Variants in ANKDD1B observed in about 807,000 individuals in gnomAD.
ANKDD1B encodes ankyrin repeat and death domain-containing protein 1B.
Under a neutral mutation model 59.7 loss-of-function variants are expected in ANKDD1B, and 57 were observed. The ratio of observed to expected loss-of-function variants is 0.95; its 90% CI spans 0.77 to 1.19. ANKDD1B has a LOEUF of 1.19. ANKDD1B is among the 50% of genes most tolerant of loss of function. The probability of loss-of-function intolerance (pLI) is 0.00; values close to 1 mark genes in which losing one functional copy is unlikely to be tolerated. For synonymous variants in ANKDD1B, 216 were observed against 239.5 expected, an observed-to-expected ratio of 0.90 and a Z score of 0.91; for missense variants, 602 against 641.9, an observed-to-expected ratio of 0.94 and a Z score of 0.67.
intron 3 of ANKDD1B, among the ~76,000 whole-genome samples, chr5:75,621,407 T>A (rs1243486455): frequency 6.6e-6 from 1 of 152,144 alleles, no homozygotes; most frequent in Non-Finnish European, 1.5e-5. Flanking sequence ...GAGTTCTGAT[T>A]TTTTCCCCAA....
At chr5:75,660,317 A>G (rs956753308) in intron 10 of ANKDD1B, among the ~76,000 whole-genome samples, 1 of 152,220 alleles carries the variant, frequency 6.6e-6, no homozygotes, top group African/African-American at 2.4e-5. Context: ...TGACCACTCT[A>G]AGTACCTCAT....
intron 5 of ANKDD1B, 59 bp downstream of exon 5, chr5:75,626,014 C>T: frequency 7.9e-7 from 1 of 1,259,098 alleles, no homozygotes; most frequent in Non-Finnish European, 1.1e-6. Flanking sequence ...TCACTTTCTT[C>T]CTGCCTCTGG....
intron 1 of ANKDD1B, among the ~76,000 whole-genome samples, chr5:75,616,122 C>T (rs1773710088): frequency 1.3e-5 from 2 of 152,054 alleles, no homozygotes; most frequent in Admixed American, 1.3e-4. Context: ...CTGGTCTTAC[C>T]CCTTATGTTG....
At chr5:75,667,020 A>C in intron 12 of ANKDD1B, 27 bp downstream of exon 12, 1 of 1,380,382 alleles carries the variant, frequency 7.2e-7, no homozygotes, top group Non-Finnish European at 9.4e-7. Context: ...TGATGTGGGC[A>C]GGAGGAATTC....
At chr5:75,664,833 A>T (rs984279812) in intron 11 of ANKDD1B, among the ~76,000 whole-genome samples, 2 of 152,248 alleles carry the variant, frequency 1.3e-5, no homozygotes, top group African/African-American at 4.8e-5. Flanking sequence ...AGAAATGGTA[A>T]GAGTTGTTAA....
At chr5:75,618,234 T>G (rs1168538812) in intron 2 of ANKDD1B, among the ~76,000 whole-genome samples, 1 of 152,174 alleles carries the variant, frequency 6.6e-6, no homozygotes, top group Non-Finnish European at 1.5e-5. Flanking sequence ...TCAAAAATAT[T>G]TGTGGATAGA....
chr5:75,631,294 G>T (rs1774148820), intron 5 of ANKDD1B, among the ~76,000 whole-genome samples: 1 of 152,158 alleles, frequency 6.6e-6, no homozygotes, highest in Non-Finnish European at 1.5e-5. Flanking sequence ...TTTAAATTTT[G>T]ATTAACTTTT....
chr5:75,642,288 G>T (rs538782201), intron 7 of ANKDD1B, among the ~76,000 whole-genome samples: 6 of 150,756 alleles, frequency 4.0e-5, no homozygotes, highest in African/African-American at 1.2e-4. Context: ...AGCTCCCAGC[G>T]TGAGCGACGC....
At chr5:75,641,724 TAAAGTCCC>T (rs1475177623) in intron 7 of ANKDD1B, among the ~76,000 whole-genome samples, 3 of 152,212 alleles carry the variant, frequency 2.0e-5, no homozygotes, top group African/African-American at 7.2e-5. Context: ...CAATCAAGAA[TAAAGTCCC>T]AAACTGGCAT....
chr5:75,664,423 T>C (rs973727531), intron 11 of ANKDD1B, among the ~76,000 whole-genome samples: 2 of 152,252 alleles, frequency 1.3e-5, no homozygotes, highest in Non-Finnish European at 2.9e-5. Context: ...AGTGCTTTGC[T>C]TGTAAAACTT....
chr5:75,627,452 T>C (rs986683163), intron 5 of ANKDD1B, among the ~76,000 whole-genome samples: 5 of 152,208 alleles, frequency 3.3e-5, no homozygotes, highest in South Asian at 2.1e-4. Context: ...TAGCCACTGC[T>C]GAGATGCTTA....
chr5:75,630,394 A>G (rs1774117247), intron 5 of ANKDD1B, among the ~76,000 whole-genome samples: 1 of 152,086 alleles, frequency 6.6e-6, no homozygotes, highest in East Asian at 1.9e-4. Context: ...ACTTTGTGTA[A>G]TTTTGCTTTT....
Position 75,611,621 on chromosome 5 carries a change from C to T in ANKDD1B, c.-14C>T. 8.1e-7 allele frequency: 1 copy of T among 1,230,872 alleles called. No individual in the cohort carries two copies. The highest frequency in any genetic ancestry group is 1.0e-6 in the Non-Finnish European group (1 of 987,702). 76.2% of individuals were successfully genotyped at this position (1,230,872 alleles called of 1,614,324 possible). On this transcript the variant is annotated 5_prime_UTR_variant, in exon 1 of 14. Coordinates refer to ENST00000601380, the MANE Select transcript of ANKDD1B (RefSeq NM_001276713.2). ...CTGGGTCTGGCCCTGCGCTCAGGGC[C>T]CGCGGAGGAGACTATGGACCCCGCC...
chr5:75,629,669 T>G (rs1774096039), intron 5 of ANKDD1B, among the ~76,000 whole-genome samples: 1 of 152,082 alleles, frequency 6.6e-6, no homozygotes, highest in Admixed American at 6.5e-5. Context: ...GCACAGTGGC[T>G]CACACCTGTA....
intron 8 of ANKDD1B, 75 bp from the exon 9 acceptor site, chr5:75,655,954 T>C (rs1774963205): frequency 2.9e-6 from 2 of 688,846 alleles, no homozygotes; most frequent in Non-Finnish European, 5.0e-6. Context: ...AAATAGCTGC[T>C]GAAATGAGTT....
chr5:75,659,291 A>C lies in ANKDD1B; in HGVS notation c.1005A>C (p.Gln335His). 2.0e-6 allele frequency: 3 copies of C among 1,535,758 alleles called. No homozygotes were observed. Among genetic ancestry groups the C allele is most frequent in the African/African-American group, 1.4e-5 (1 of 73,160 alleles). The change falls in exon 10 of 14, where the codon CAA (glutamine) becomes CAC (histidine). Residue 335 changes from glutamine (Q) to histidine (H), a missense_variant. This residue lies in a region of ANKDD1B where 280 missense variants were observed against 319.8 expected (regional missense o/e 0.88). Transcript: ENST00000601380. ...CCTTAATTTCATGGCAGAAGCAGCA[A>C]ACCCCTCTGCATGTAGCTGCTGATC... ...HDIDILNQKQ[Q>H]TPLHVAADRG... is the part of the protein sequence containing the mutation.
At chr5:75,634,018 C>A (rs1774233233) in intron 5 of ANKDD1B, among the ~76,000 whole-genome samples, 1 of 152,174 alleles carries the variant, frequency 6.6e-6, no homozygotes, top group South Asian at 2.1e-4. Context: ...AGTGTGAAAG[C>A]CCTCACCAGA....
chr5:75,634,402 A>G (rs143225880), intron 5 of ANKDD1B, among the ~76,000 whole-genome samples: 1 of 152,324 alleles, frequency 6.6e-6, no homozygotes, highest in East Asian at 1.9e-4. Context: ...ATCTATGAAG[A>G]AGAAAGGAAG....
chr5:75,612,753 A>G (rs538032230), intron 1 of ANKDD1B, among the ~76,000 whole-genome samples: 5 of 152,296 alleles, frequency 3.3e-5, no homozygotes, highest in South Asian at 2.1e-4. Context: ...AGTGAAGGCC[A>G]TGAGACAGGG....
Sources: allele counts gnomAD v4.1 joint callset (sites outside exome capture counted in the v4.1 genomes callset), GRCh38; gene constraint gnomAD v4.1.1; regional missense constraint gnomAD v4.1.1; transcripts MANE v1.5; gene names NCBI Gene and HGNC (gene_info 2026-07-23, HGNC 2026-07-21).